ABCB9: variants seen among roughly 807,000 people sequenced by gnomAD.
ABCB9 encodes the protein ABC-type oligopeptide transporter ABCB9.
In ABCB9, 36 loss-of-function variants were observed where a neutral mutation model predicts 62.0. The observed-to-expected ratio is 0.58, with a 90% confidence interval of 0.45 to 0.77. ABCB9 has a LOEUF of 0.77. Ranked by LOEUF, ABCB9 falls within the 30% of genes least tolerant of loss-of-function variation. ABCB9 has a pLI of 0.00. For missense variants in ABCB9, 943 were observed against 1,054.7 expected, an observed-to-expected ratio of 0.89 and a Z score of 1.47; for synonymous variants, 435 against 461.4, an observed-to-expected ratio of 0.94 and a Z score of 0.73.
chr12:122,936,901 T>G (rs956749066), intron 9 of ABCB9, among the ~76,000 whole-genome samples: 2 of 142,588 alleles, frequency 1.4e-5, no homozygotes, highest in African/African-American at 5.2e-5. Context: ...CAAAACTCCA[T>G]CTCAAAAAAA....
chr12:122,936,603 A>G (rs2135785513), intron 9 of ABCB9, among the ~76,000 whole-genome samples: 1 of 151,560 alleles, frequency 6.6e-6, no homozygotes, highest in Admixed American at 6.6e-5. Context: ...CCGTCTCTAC[A>G]AAATAATTAA....
chr12:122,958,309 G>T (rs1158485485), intron 2 of ABCB9, among the ~76,000 whole-genome samples: 3 of 152,124 alleles, frequency 2.0e-5, no homozygotes, highest in Non-Finnish European at 2.9e-5. Flanking sequence ...AAACAATGAG[G>T]TACTGGTTGG....
At chr12:122,918,916 C>T (rs2034683719), downstream of ABCB9, among the ~76,000 whole-genome samples, 1 of 152,204 alleles carries the variant, frequency 6.6e-6, no homozygotes, top group Non-Finnish European at 1.5e-5. Flanking sequence ...TCCCCATGCC[C>T]TGGTAACCTC....
At chr12:122,920,362 GAAAA>G (rs74263734), downstream of ABCB9, among the ~76,000 whole-genome samples, 1 of 103,306 alleles carries the variant, frequency 9.7e-6, no homozygotes, top group Non-Finnish European at 2.1e-5. Flanking sequence ...AACTGCAAAG[GAAAA>G]AAAAAAAAAA....
intron 1 of ABCB9, among the ~76,000 whole-genome samples, chr12:122,973,609 A>AAAAAAAAAC (rs762311490): frequency 7.9e-5 from 7 of 88,802 alleles, no homozygotes; most frequent in Non-Finnish European, 1.6e-4. Flanking sequence ...AAAAAAAAAA[A>AAAAAAAAAC]CAAAAACTTT....
intron 1 of ABCB9, among the ~76,000 whole-genome samples, chr12:122,973,609 A>AC (rs1555280457): frequency 3.4e-5 from 3 of 88,802 alleles, no homozygotes; most frequent in Non-Finnish European, 6.8e-5. Flanking sequence ...AAAAAAAAAA[A>AC]CAAAAACTTT....
chr12:122,963,238 C>T (rs186875528), intron 1 of ABCB9, among the ~76,000 whole-genome samples: 2 of 152,242 alleles, frequency 1.3e-5, no homozygotes, highest in East Asian at 1.9e-4. Flanking sequence ...GTGGAGGTTG[C>T]GGTGAGCCGA....
chr12:122,942,734 G>A (rs1262357234), intron 7 of ABCB9, among the ~76,000 whole-genome samples: 1 of 152,004 alleles, frequency 6.6e-6, no homozygotes, highest in Non-Finnish European at 1.5e-5. Context: ...AGTCCAGGAG[G>A]TCAAGGCTGC....
chr12:122,929,669 T>G lies in ABCB9; in HGVS notation c.*242A>C. On this transcript the variant is annotated 3_prime_UTR_variant, in exon 12 of 12. Transcript: ENST00000280560. This position sits in a 1 kb window ranked among gnomAD's most constrained non-coding sequence, Gnocchi z 6.0. The stretch of plus-strand genomic sequence containing the variant: ...CTAGGTTTAAAAAGGCAGCTCTACC[T>G]TTGCTTAGGAGGCTAGGGAGGTCCG... The G allele has an allele frequency of 8.0e-7, 1 of 1,245,286 alleles. No homozygotes were observed. The highest frequency in any genetic ancestry group is 1.0e-6 in the Non-Finnish European group (1 of 994,434). The allele number at this position is 1,245,286 out of a possible 1,614,324, so 77.1% of individuals were successfully genotyped here.
At chr12:122,970,747 C>T (rs1399650016), upstream of ABCB9, among the ~76,000 whole-genome samples, 1 of 152,058 alleles carries the variant, frequency 6.6e-6, no homozygotes, top group Non-Finnish European at 1.5e-5. Context: ...TTCGTAATTG[C>T]CTAAACTTGG....
chr12:122,920,055 G>C (rs542794640), downstream of ABCB9, among the ~76,000 whole-genome samples: 46 of 151,908 alleles, frequency 3.0e-4, no homozygotes, highest in African/African-American at 1.1e-3. Flanking sequence ...TAATTTTTGT[G>C]TTTTTAGTAG....
At chr12:122,948,388 T>C (rs1474399734) in intron 5 of ABCB9, 1 of 442,164 alleles carries the variant, frequency 2.3e-6, no homozygotes, top group South Asian at 3.4e-5. Context: ...TGACACTAGA[T>C]ACAAGTTCCA....
chr12:122,925,964 CATG>C (rs1178265887), downstream of ABCB9, among the ~76,000 whole-genome samples: 1 of 152,170 alleles, frequency 6.6e-6, no homozygotes, highest in Non-Finnish European at 1.5e-5. Flanking sequence ...ACCTTGTACA[CATG>C]ATGAGAGAAG....
rs781428831 is a variant in ABCB9, at chr12:122,930,118, C to T, written c.2094G>A (p.Ala698=). The part of the protein sequence containing the change: ...NLQKHTVLII[A]HRLSTVEHAH... Reference sequence around the variant, plus strand: ...CGTGCTCCACGGTGCTCAGCCGGTGCGCGATGATGAGTACCGTGTGCTTCT... The same window carrying T: ...CGTGCTCCACGGTGCTCAGCCGGTGTGCGATGATGAGTACCGTGTGCTTCT... The change falls in exon 12 of 12, where the codon GCG becomes GCA. Residue 698 remains alanine, a synonymous_variant. Coordinates refer to ENST00000280560, the MANE Select transcript of ABCB9 (RefSeq NM_019625.4). The surrounding 1 kb of genome is among the most constrained non-coding windows in gnomAD (Gnocchi z 4.9). 1.6e-5 allele frequency: 25 copies of T among 1,555,032 alleles called. No individual in the cohort carries two copies. The highest frequency in any genetic ancestry group is 1.4e-4 in the African/African-American group (10 of 73,298).
At chr12:122,969,020 A>G (rs1425294030), upstream of ABCB9, among the ~76,000 whole-genome samples, 1 of 152,134 alleles carries the variant, frequency 6.6e-6, no homozygotes, top group African/African-American at 2.4e-5. Context: ...TGCACTTGAA[A>G]CAATCTTAGA....
intron 1 of ABCB9, among the ~76,000 whole-genome samples, chr12:122,973,677 C>T (rs1464607154): frequency 7.4e-6 from 1 of 135,410 alleles, no homozygotes; most frequent in South Asian, 2.4e-4. Flanking sequence ...CTGGCTAACA[C>T]GGTGAAACCC....
At chr12:122,957,595 A>G (rs530477755) in intron 2 of ABCB9, among the ~76,000 whole-genome samples, 3 of 151,738 alleles carry the variant, frequency 2.0e-5, no homozygotes, top group African/African-American at 7.3e-5. Context: ...ACTCACAGGC[A>G]CAAATACATT....
chr12:122,968,298 G>A (rs1047933023), upstream of ABCB9, among the ~76,000 whole-genome samples: 9 of 152,194 alleles, frequency 5.9e-5, no homozygotes, highest in Non-Finnish European at 1.3e-4. Flanking sequence ...ACCTTAAAGA[G>A]GTGACTTTGC....
upstream of ABCB9, among the ~76,000 whole-genome samples, chr12:122,968,487 C>T (rs10734978): frequency 0.95 from 144,102 of 152,296 alleles, 68,505 homozygotes; most frequent in East Asian, 1. Flanking sequence ...TATGTAACTA[C>T]TAGCATAGTA....
Sources: allele counts gnomAD v4.1 joint callset (sites outside exome capture counted in the v4.1 genomes callset), GRCh38; gene constraint gnomAD v4.1.1; non-coding constraint Gnocchi (gnomAD v3.1); transcripts MANE v1.5; gene names NCBI Gene and HGNC (gene_info 2026-07-23, HGNC 2026-07-21).